MGAT5B: variants seen among roughly 807,000 people sequenced by gnomAD.
MGAT5B encodes N-acetylglucosaminyl-transferase Vb.
In MGAT5B, 54 loss-of-function variants were observed where a neutral mutation model predicts 95.1. The observed-to-expected ratio is 0.57, with a 90% confidence interval of 0.46 to 0.71. MGAT5B has a LOEUF of 0.71. MGAT5B is among the 30% of genes least tolerant of loss of function. MGAT5B has a pLI of 0.00. For synonymous variants in MGAT5B, 464 were observed against 451.0 expected (o/e 1.03, Z -0.36); for missense variants, 935 against 1,088.6 (o/e 0.86, Z 1.99).
chr17:76,943,037 C>CCCCCA (rs1555601289), intron 15 of MGAT5B, among the ~76,000 whole-genome samples: 38,800 of 151,628 alleles, frequency 0.26, 5,068 homozygotes, highest in East Asian at 0.37. Context: ...ATAACTTGCC[C>CCCCCA]CCCCGGGAGG....
chr17:76,887,425 C>A (rs1340956494), intron 3 of MGAT5B, among the ~76,000 whole-genome samples: 1 of 148,544 alleles, frequency 6.7e-6, no homozygotes, highest in South Asian at 2.2e-4. Flanking sequence ...CCGCTAGGGT[C>A]TTTCTTTCCC....
At chr17:76,932,551 A>C in intron 10 of MGAT5B, 94 bp from the exon 11 acceptor site, 257 of 1,456,424 alleles carry the variant, frequency 1.8e-4, no homozygotes, top group East Asian at 4.1e-4. Flanking sequence ...CACCCCTGCC[A>C]AAAGAGGACC....
intron 1 of MGAT5B, among the ~76,000 whole-genome samples, chr17:76,872,035 G>A (rs1304454186): frequency 1.3e-5 from 2 of 152,212 alleles, no homozygotes; most frequent in Non-Finnish European, 2.9e-5. Flanking sequence ...TTGAAGGCAG[G>A]AACAGGAGTC....
At position 76,938,201 on chromosome 17, in the gene MGAT5B, C is replaced by A; in HGVS notation, c.1584+58C>A. ...TTGCCGGCTGCAGACACTGAGGTCA[C>A]CACCCATGCCTGCCACCACCACTCA... On this transcript the variant is annotated intron_variant, in intron 13 of 17. Coordinates refer to ENST00000569840, the MANE Select transcript of MGAT5B (RefSeq NM_001199172.2). This position sits in a 1 kb window ranked among gnomAD's most constrained non-coding sequence, Gnocchi z 4.3. 6.3e-7 allele frequency: 1 copy of A among 1,589,066 alleles called. No individual in the cohort carries two copies. Among genetic ancestry groups the A allele is most frequent in the Non-Finnish European group, 8.6e-7 (1 of 1,163,664 alleles).
At chr17:76,902,989 T>TCCA (rs74799319) in intron 4 of MGAT5B, among the ~76,000 whole-genome samples, 1 of 151,912 alleles carries the variant, frequency 6.6e-6, no homozygotes, top group East Asian at 1.9e-4. Context: ...AGCAGCGAGC[T>TCCA]GGGGGCTGCA....
intron 9 of MGAT5B, among the ~76,000 whole-genome samples, chr17:76,926,111 ACAGCCCATGGG>A (rs990633227): frequency 6.6e-6 from 1 of 152,108 alleles, no homozygotes; most frequent in Non-Finnish European, 1.5e-5. Context: ...CCTCCCAAAG[ACAGCCCATGGG>A]CAGTGCCTGG....
chr17:76,911,277 G>T (rs905100583), intron 8 of MGAT5B, among the ~76,000 whole-genome samples: 2 of 152,236 alleles, frequency 1.3e-5, no homozygotes, highest in Non-Finnish European at 2.9e-5. Flanking sequence ...TGGCGGTGGG[G>T]TTGGGACATT....
In MGAT5B at chr17:76,938,153, C is replaced by T. The variant is rs757384881; in HGVS notation, c.1584+10C>T. The T allele has an allele frequency of 6.2e-7, 1 of 1,613,446 alleles. No homozygotes were observed. Among genetic ancestry groups the T allele is most frequent in the East Asian group, 2.2e-5 (1 of 44,886 alleles). The stretch of plus-strand genomic sequence containing the variant: ...GCTGCGCAAGGCCAAAGTGAGCTCC[C>T]ATCCCCCGCACCATTCTCACACTTG... On this transcript the variant is annotated intron_variant, in intron 13 of 17. Coordinates refer to ENST00000569840, the MANE Select transcript of MGAT5B (RefSeq NM_001199172.2). This position sits in a 1 kb window ranked among gnomAD's most constrained non-coding sequence, Gnocchi z 4.3.
At chr17:76,943,027 A>T (rs989415219) in intron 15 of MGAT5B, among the ~76,000 whole-genome samples, 1 of 135,012 alleles carries the variant, frequency 7.4e-6, no homozygotes, top group Non-Finnish European at 1.6e-5. Context: ...CACCTTGGGG[A>T]TAACTTGCCC....
rs12946266 is a variant in MGAT5B, at chr17:76,916,370, G to A, written c.1026-8596G>A. Among the ~76,000 whole-genome samples, 44,103 of 152,168 alleles carry A rather than the reference G, an allele frequency of 0.29. 6,568 individuals are homozygous for A. The highest frequency in any genetic ancestry group is 0.46 in the East Asian group (2,359 of 5,142). On this transcript the variant is annotated intron_variant, in intron 8 of 17. Coordinates refer to ENST00000569840, the MANE Select transcript of MGAT5B (RefSeq NM_001199172.2). The surrounding 1 kb of genome is among the most constrained non-coding windows in gnomAD (Gnocchi z 5.3). ...AGACCGATGGAGGCCGTGCCGTGTC[G>A]CCTTTCCCAGCTCTGGCCTGGCCTG... is the stretch of plus-strand genomic sequence containing the variant.
intron 12 of MGAT5B, 62 bp downstream of exon 12, chr17:76,933,359 C>T (rs548758235): frequency 3.1e-6 from 5 of 1,590,592 alleles, no homozygotes; most frequent in African/African-American, 1.3e-5. Context: ...CTCCAGCAGC[C>T]ACTCCAGGGG....
chr17:76,881,743 T>C (rs653770), intron 2 of MGAT5B, among the ~76,000 whole-genome samples: 55,435 of 152,096 alleles, frequency 0.36, 12,606 homozygotes, highest in African/African-American at 0.61. Context: ...AGCTTACCGT[T>C]TGGGGGCTCT....
intron 2 of MGAT5B, among the ~76,000 whole-genome samples, chr17:76,878,424 G>A (rs1339010381): frequency 6.6e-6 from 1 of 152,146 alleles, no homozygotes; most frequent in Non-Finnish European, 1.5e-5. Context: ...CGCAGGCATG[G>A]TCATCGTGAA....
chr17:76,896,181 T>G (rs921710916), intron 3 of MGAT5B, among the ~76,000 whole-genome samples: 1 of 152,264 alleles, frequency 6.6e-6, no homozygotes, highest in Non-Finnish European at 1.5e-5. Context: ...TGTTGAGGTT[T>G]GAGGCTTTAC....
intron 12 of MGAT5B, among the ~76,000 whole-genome samples, chr17:76,936,103 T>C (rs554056340): frequency 4.0e-5 from 6 of 151,756 alleles, no homozygotes; most frequent in South Asian, 4.1e-4. Context: ...CCTGGCCTTG[T>C]CTTTCTCTTA....
chr17:76,927,421 G>A (rs748673995), intron 10 of MGAT5B, among the ~76,000 whole-genome samples: 4 of 152,052 alleles, frequency 2.6e-5, no homozygotes, highest in African/African-American at 7.2e-5. Flanking sequence ...TATATTTTTT[G>A]TAGAGAAAGG....
rs551515943 is a variant in MGAT5B, at chr17:76,945,985, TG to T, written c.1849-386del. 5.5e-3 allele frequency among the ~76,000 whole-genome samples: 612 copies of T among 111,116 alleles called. 1 individual carries two copies. The highest frequency in any genetic ancestry group is 0.018 in the South Asian group (55 of 3,090). 72.9% of individuals were successfully genotyped at this position (111,116 alleles called of 152,430 possible). ...AAGGAAAGTGTTCCTGTAACAGGAG[TG>T]GGGGTGGGGCTCAGGGAAAGCTCCC... On this transcript the variant is annotated intron_variant, in intron 15 of 17. Transcript: ENST00000569840.
At chr17:76,928,826 GA>G (rs2145247933) in intron 10 of MGAT5B, among the ~76,000 whole-genome samples, 1 of 152,164 alleles carries the variant, frequency 6.6e-6, no homozygotes, top group African/African-American at 2.4e-5. Flanking sequence ...CAAGGTTCCT[GA>G]ATTCACGTCG....
intron 8 of MGAT5B, chr17:76,913,881 C>T: frequency 1.4e-5 from 6 of 430,398 alleles, no homozygotes; most frequent in South Asian, 4.9e-5. Context: ...GAGGTCACGG[C>T]GGGAGGATTG....
Sources: gnomAD v4.1 joint callset for allele counts (sites outside exome capture counted in the v4.1 genomes callset) on GRCh38, gnomAD v4.1.1 for gene constraint, Gnocchi (gnomAD v3.1) non-coding constraint, MANE v1.5 for transcripts, NCBI Gene and HGNC (gene_info 2026-07-23, HGNC 2026-07-21) for gene names.